Variants in CTNND2 observed in about 807,000 individuals in gnomAD.
CTNND2 encodes the protein catenin delta 2.
In CTNND2, 22 loss-of-function variants were observed where a neutral mutation model predicts 144.4. The ratio of observed to expected loss-of-function variants is 0.15; its 90% CI spans 0.11 to 0.22. The LOEUF (loss-of-function observed/expected upper bound fraction) is 0.22. Ranked by LOEUF, CTNND2 falls within the 10% of genes least tolerant of loss-of-function variation. The pLI, the probability that CTNND2 is intolerant of heterozygous loss-of-function variation, is 1.00. For synonymous variants in CTNND2, 751 were observed against 695.6 expected, an observed-to-expected ratio of 1.08 and a Z score of -1.25; for missense variants, 1,353 against 1,618.8, an observed-to-expected ratio of 0.84 and a Z score of 2.82.
intron 9 of CTNND2, among the ~76,000 whole-genome samples, chr5:11,265,698 A>ATTTTTTTTTTT (rs5865929): frequency 1.3e-5 from 1 of 77,418 alleles, no homozygotes; most frequent in Non-Finnish European, 2.3e-5. Context: ...TGTATTCTCT[A>ATTTTTTTTTTT]TTTTTTTTTT....
chr5:11,611,910 C>T (rs1780348429), intron 2 of CTNND2, among the ~76,000 whole-genome samples: 1 of 152,202 alleles, frequency 6.6e-6, no homozygotes, highest in Admixed American at 6.5e-5. Flanking sequence ...CAACCAGCTC[C>T]CTCCAGACTC....
intron 10 of CTNND2, among the ~76,000 whole-genome samples, chr5:11,203,840 T>C (rs1052175679): frequency 6.6e-6 from 1 of 152,232 alleles, no homozygotes; most frequent in Non-Finnish European, 1.5e-5. Context: ...GAATGTTGAA[T>C]TACATACGGG....
chr5:11,528,517 G>C (rs1217508504), intron 3 of CTNND2, among the ~76,000 whole-genome samples: 2 of 152,304 alleles, frequency 1.3e-5, no homozygotes, highest in African/African-American at 4.8e-5. Flanking sequence ...AGAGGGACTG[G>C]GACAGCCTTG....
At chr5:11,620,614 T>C (rs1780784143) in intron 2 of CTNND2, among the ~76,000 whole-genome samples, 1 of 152,192 alleles carries the variant, frequency 6.6e-6, no homozygotes. Context: ...TTGGGAACTA[T>C]GAGTAAAGAA....
intron 1 of CTNND2, among the ~76,000 whole-genome samples, chr5:11,736,944 A>C (rs1234899852): frequency 6.6e-6 from 1 of 152,200 alleles, no homozygotes; most frequent in Non-Finnish European, 1.5e-5. Flanking sequence ...ACAATTTCTT[A>C]TATCAACAAA....
Position 11,397,020 on chromosome 5 carries a change from T to C in CTNND2, c.612+11A>G, listed in dbSNP as rs376531015. ...GGAGTCCACTGACACCATACAGCAC[T>C]GGGTACCTACCTGGCTGAAGCTCTG... is the stretch of plus-strand genomic sequence containing the variant. On this transcript the variant is annotated intron_variant, in intron 6 of 21. Transcript: ENST00000304623. 5.0e-6 allele frequency: 8 copies of C among 1,612,088 alleles called. No individual in the cohort carries two copies. The highest frequency in any genetic ancestry group is 5.1e-6 in the Non-Finnish European group (6 of 1,179,534).
At chr5:11,880,152 C>T (rs1735920690) in intron 1 of CTNND2, among the ~76,000 whole-genome samples, 1 of 152,110 alleles carries the variant, frequency 6.6e-6, no homozygotes, top group Non-Finnish European at 1.5e-5. Flanking sequence ...ATACACAACC[C>T]CCCTTATTCA....
intron 13 of CTNND2, among the ~76,000 whole-genome samples, chr5:11,111,771 A>T (rs928995414): frequency 6.6e-6 from 1 of 152,120 alleles, no homozygotes; most frequent in African/African-American, 2.4e-5. Flanking sequence ...CAGGTCCCAC[A>T]TCTTAGGTTC....
At chr5:11,813,282 A>G (rs1013762644) in intron 1 of CTNND2, among the ~76,000 whole-genome samples, 28 of 152,324 alleles carry the variant, frequency 1.8e-4, no homozygotes, top group African/African-American at 6.3e-4. Flanking sequence ...CAATATTCGC[A>G]TAACGACGAA....
At chr5:11,178,171 C>T (rs548712575) in intron 11 of CTNND2, among the ~76,000 whole-genome samples, 1 of 152,282 alleles carries the variant, frequency 6.6e-6, no homozygotes, top group Non-Finnish European at 1.5e-5. Flanking sequence ...TGTTAACATA[C>T]TGTCACCCAT....
chr5:11,676,270 T>G (rs1339573053), intron 2 of CTNND2, among the ~76,000 whole-genome samples: 1 of 152,164 alleles, frequency 6.6e-6, no homozygotes, highest in African/African-American at 2.4e-5. Context: ...TATTACAGCT[T>G]CATATTGTCT....
intron 2 of CTNND2, among the ~76,000 whole-genome samples, chr5:11,700,738 C>T (rs560030147): frequency 6.6e-6 from 1 of 151,986 alleles, no homozygotes; most frequent in East Asian, 1.9e-4. Flanking sequence ...CAAGAAATTT[C>T]TGAAAAAAAG....
At chr5:11,644,400 T>G (rs1051473673) in intron 2 of CTNND2, among the ~76,000 whole-genome samples, 2 of 152,080 alleles carry the variant, frequency 1.3e-5, no homozygotes, top group African/African-American at 4.8e-5. Flanking sequence ...CTGTGCCGGG[T>G]GCAGTGGCTC....
At chr5:11,827,154 C>T (rs768908379) in intron 1 of CTNND2, among the ~76,000 whole-genome samples, 3 of 152,122 alleles carry the variant, frequency 2.0e-5, no homozygotes, top group Non-Finnish European at 2.9e-5. Context: ...ATTAAGTTTG[C>T]AACTTACAAC....
intron 2 of CTNND2, among the ~76,000 whole-genome samples, chr5:11,628,938 T>C (rs1014736068): frequency 5.3e-5 from 8 of 152,174 alleles, no homozygotes; most frequent in African/African-American, 1.9e-4. Flanking sequence ...TTTTTAGCAA[T>C]TAGAAATGTC....
At chr5:11,501,282 T>C (rs1455388615) in intron 3 of CTNND2, among the ~76,000 whole-genome samples, 1 of 152,138 alleles carries the variant, frequency 6.6e-6, no homozygotes, top group African/African-American at 2.4e-5. Flanking sequence ...AGCCCCAGAG[T>C]TTCACATGCT....
intron 16 of CTNND2, among the ~76,000 whole-genome samples, chr5:11,073,662 C>T (rs1748589334): frequency 6.6e-6 from 1 of 152,176 alleles, no homozygotes; most frequent in Admixed American, 6.5e-5. Flanking sequence ...AGTTAATTAA[C>T]AAAGAACCCA....
At chr5:11,745,205 A>G (rs1788242287) in intron 1 of CTNND2, among the ~76,000 whole-genome samples, 1 of 152,218 alleles carries the variant, frequency 6.6e-6, no homozygotes, top group Non-Finnish European at 1.5e-5. Flanking sequence ...GTCATATCCC[A>G]ATAATGGAAG....
At chr5:11,672,591 T>C (rs1301931234) in intron 2 of CTNND2, among the ~76,000 whole-genome samples, 1 of 152,104 alleles carries the variant, frequency 6.6e-6, no homozygotes, top group African/African-American at 2.4e-5. Flanking sequence ...AAATCACCCA[T>C]TCAAGCCTCA....
Sources: gnomAD v4.1 joint callset for allele counts (sites outside exome capture counted in the v4.1 genomes callset) on GRCh38, gnomAD v4.1.1 for gene constraint, MANE v1.5 for transcripts, NCBI Gene and HGNC (gene_info 2026-07-23, HGNC 2026-07-21) for gene names.